Variants in DENND1A observed in about 807,000 individuals in gnomAD.
The protein encoded by DENND1A is DENN domain-containing protein 1A.
Under a neutral mutation model 113.7 loss-of-function variants are expected in DENND1A, and 51 were observed. The observed-to-expected ratio is 0.45, with a 90% CI of 0.36 to 0.57. The LOEUF is 0.57. Ranked by LOEUF, DENND1A falls within the 20% of genes least tolerant of loss-of-function variation. The pLI is 0.00. For synonymous variants in DENND1A, 565 were observed against 570.8 expected (o/e 0.99, Z 0.14); for missense variants, 1,258 against 1,395.9 (o/e 0.90, Z 1.57).
intron 13 of DENND1A, among the ~76,000 whole-genome samples, chr9:123,523,904 G>A (rs2054594875): frequency 6.6e-6 from 1 of 152,100 alleles, no homozygotes; most frequent in South Asian, 2.1e-4. Flanking sequence ...GGTGATCATG[G>A]GCAGAGGACC....
intron 5 of DENND1A, among the ~76,000 whole-genome samples, chr9:123,691,741 C>T (rs1446292928): frequency 6.6e-6 from 1 of 151,770 alleles, no homozygotes; most frequent in African/African-American, 2.4e-5. Flanking sequence ...AAAAAGACTG[C>T]TTTAGAAGGA....
chr9:123,424,297 G>A (rs2045545660), intron 19 of DENND1A, among the ~76,000 whole-genome samples: 1 of 152,192 alleles, frequency 6.6e-6, no homozygotes, highest in African/African-American at 2.4e-5. Flanking sequence ...GGGGCATGCT[G>A]GCTGGATGAA....
chr9:123,674,340 T>TCACACACA (rs1160130484), intron 6 of DENND1A, among the ~76,000 whole-genome samples: 8 of 127,816 alleles, frequency 6.3e-5, no homozygotes, highest in South Asian at 2.4e-4. Flanking sequence ...TCTGTCTCTC[T>TCACACACA]CTCACACACA....
chr9:123,396,570 G>C (rs2043150621), intron 21 of DENND1A, among the ~76,000 whole-genome samples: 1 of 152,260 alleles, frequency 6.6e-6, no homozygotes, highest in Admixed American at 6.5e-5. Flanking sequence ...AAAGTGTTCT[G>C]AGACCTGGGC....
intron 3 of DENND1A, among the ~76,000 whole-genome samples, chr9:123,777,477 T>C (rs1426038674): frequency 2.0e-5 from 3 of 152,266 alleles, no homozygotes; most frequent in Admixed American, 1.3e-4. Context: ...CCACAGGCTA[T>C]GTCACATACA....
intron 2 of DENND1A, among the ~76,000 whole-genome samples, chr9:123,810,915 C>T (rs959465138): frequency 2.0e-5 from 3 of 152,086 alleles, no homozygotes; most frequent in South Asian, 4.1e-4. Context: ...CCTACCACCA[C>T]GCCCGGCTAA....
At chr9:123,925,698 G>T (rs1392282997) in intron 1 of DENND1A, among the ~76,000 whole-genome samples, 2 of 152,182 alleles carry the variant, frequency 1.3e-5, no homozygotes, top group African/African-American at 4.8e-5. Context: ...TAGTTCTACA[G>T]TAGGTAAATG....
chr9:123,607,543 AGAGAGT>A (rs780586129), intron 11 of DENND1A, among the ~76,000 whole-genome samples: 442 of 123,346 alleles, frequency 3.6e-3, no homozygotes, highest in Admixed American at 0.01. Flanking sequence ...AGAGAGAGAG[AGAGAGT>A]GTGTGTGTGT....
Position 123,809,913 on chromosome 9 carries a change from G to A in DENND1A, c.89-17283C>T, listed in dbSNP as rs147991740. Among the ~76,000 whole-genome samples, 6 of 152,266 alleles carry A rather than the reference G, an allele frequency of 3.9e-5. No individual in the cohort carries two copies. In the East Asian group the frequency reaches 9.6e-4, roughly 24 times the overall value. On this transcript the variant is annotated intron_variant, in intron 2 of 23. Transcript: ENST00000394215. ...CTCGAACTCCTGAACTTGATCAAGT[G>A]ATCCGCCTACCTCAGCCTCCCAAAG... is the stretch of plus-strand genomic sequence containing the variant.
In DENND1A at chr9:123,422,504, G is replaced by A. The variant is rs1002517026; in HGVS notation, c.1489-10675C>T. Among the ~76,000 whole-genome samples the A allele has an allele frequency of 3.6e-5, 5 of 139,968 alleles. No individual in the cohort carries two copies. The highest frequency in any genetic ancestry group is 1.5e-4 in the African/African-American group (5 of 33,200). 91.8% of individuals were successfully genotyped at this position (139,968 alleles called of 152,430 possible). A position where few individuals can be genotyped will look rare whatever the true frequency, so the allele number is the denominator to read the frequency against. On this transcript the variant is annotated intron_variant, in intron 19 of 23. Coordinates refer to ENST00000394215, the MANE Select transcript of DENND1A (RefSeq NM_001352964.2). The surrounding 1 kb of genome is among the most constrained non-coding windows in gnomAD (Gnocchi z 4.8). ...GAAAGATAGTCAGGTTCACCAGACAGAAGGTTTTTTTTTTTTTTCCTTCCC... is the reference window on the plus strand; with the variant it reads ...GAAAGATAGTCAGGTTCACCAGACAAAAGGTTTTTTTTTTTTTTCCTTCCC...
chr9:123,877,213 G>A (rs888538839), intron 2 of DENND1A, among the ~76,000 whole-genome samples: 64 of 152,292 alleles, frequency 4.2e-4, no homozygotes, highest in African/African-American at 1.3e-3. Context: ...AGGGCCAGGC[G>A]CGGTGGCTCA....
chr9:123,530,858 T>C (rs1225133932), intron 13 of DENND1A, among the ~76,000 whole-genome samples: 2 of 152,142 alleles, frequency 1.3e-5, no homozygotes, highest in African/African-American at 2.4e-5. Flanking sequence ...CAATAATTAA[T>C]AAAATAAATA....
At chr9:123,531,316 C>T (rs1445655058) in intron 13 of DENND1A, among the ~76,000 whole-genome samples, 4 of 152,120 alleles carry the variant, frequency 2.6e-5, no homozygotes, top group Admixed American at 2.6e-4. Context: ...CCAGCTGAAT[C>T]ATTTTCCCTT....
chr9:123,863,387 C>T (rs1390426772), intron 2 of DENND1A, among the ~76,000 whole-genome samples: 1 of 152,208 alleles, frequency 6.6e-6, no homozygotes, highest in Non-Finnish European at 1.5e-5. Context: ...TAGTTTCTCC[C>T]TAAGAGATTC....
chr9:123,613,497 A>C (rs1450401071), intron 10 of DENND1A, among the ~76,000 whole-genome samples: 1 of 152,210 alleles, frequency 6.6e-6, no homozygotes, highest in Non-Finnish European at 1.5e-5. Flanking sequence ...AGGTTCAAGA[A>C]AGAACTTATT....
At chr9:123,467,370 T>G (rs1445898224) in intron 13 of DENND1A, among the ~76,000 whole-genome samples, 1 of 151,994 alleles carries the variant, frequency 6.6e-6, no homozygotes, top group Non-Finnish European at 1.5e-5. Flanking sequence ...AAAACACCAG[T>G]TCAGGCCTGG....
chr9:123,712,588 C>A lies in DENND1A; in HGVS notation c.303-35799G>T, dbSNP rs574602176. The stretch of plus-strand genomic sequence containing the variant: ...ATGCCATAAGCATTAGTTGTTACCA[C>A]CACCATGACGACAATGACATAGACC... On this transcript the variant is annotated intron_variant, in intron 5 of 23. Transcript: ENST00000394215. 2.2e-3 allele frequency among the ~76,000 whole-genome samples: 336 copies of A among 152,304 alleles called. 1 individual carries two copies. The highest frequency in any genetic ancestry group is 0.02 in the South Asian group (96 of 4,822).
chr9:123,630,407 C>T lies in DENND1A; in HGVS notation c.688G>A (p.Val230Met), dbSNP rs761916306. Residue 230 changes from valine to methionine, a missense_variant, in exon 10 of 24, where the codon GTG (valine) becomes ATG (methionine). By Grantham distance (21) the Val-to-Met change is conservative. Coordinates refer to ENST00000394215, the MANE Select transcript of DENND1A (RefSeq NM_001352964.2). Reference protein sequence around the residue: ...PMYWQHVYIPVLPPHLLDYCC... With the variant: ...PMYWQHVYIPMLPPHLLDYCC... ...TAGTCCAGCAGATGCGGCGGCAGCACGGGGATGTACACGTGCTGCCAGTAC... is the reference window on the plus strand; with the variant it reads ...TAGTCCAGCAGATGCGGCGGCAGCATGGGGATGTACACGTGCTGCCAGTAC... 3 of 1,601,818 alleles carry T rather than the reference C, an allele frequency of 1.9e-6. No individual in the cohort carries two copies. Among genetic ancestry groups the T allele is most frequent in the South Asian group, 1.1e-5 (1 of 89,580 alleles).
chr9:123,597,523 A>T (rs1469333468), intron 11 of DENND1A, among the ~76,000 whole-genome samples: 1 of 152,136 alleles, frequency 6.6e-6, no homozygotes, highest in Non-Finnish European at 1.5e-5. Context: ...TTCAGGAGAC[A>T]TGTCTCTAAA....
Sources: allele counts gnomAD v4.1 joint callset (sites outside exome capture counted in the v4.1 genomes callset), GRCh38; gene constraint gnomAD v4.1.1; non-coding constraint Gnocchi (gnomAD v3.1); transcripts MANE v1.5; gene names NCBI Gene and HGNC (gene_info 2026-07-23, HGNC 2026-07-21).